The following UGCG variants were observed in gnomAD, a reference collection of about 807,000 sequenced individuals.
The protein encoded by UGCG is UDP-glucose ceramide glucosyltransferase, also known as ceramide glucosyltransferase.
In UGCG, 10 loss-of-function variants were observed where a neutral mutation model predicts 49.5. The ratio of observed to expected loss-of-function variants is 0.20; its 90% CI spans 0.12 to 0.34. UGCG has a LOEUF of 0.34. Ranked by LOEUF, UGCG falls within the 10% of genes least tolerant of loss-of-function variation. UGCG has a pLI of 1.00. For synonymous variants in UGCG, 182 were observed against 158.2 expected (o/e 1.15, Z -1.13); for missense variants, 312 against 483.7 (o/e 0.65, Z 3.33).
chr9:111,911,945 T>TATATTCAACAGG (rs1838012571), intron 1 of UGCG, among the ~76,000 whole-genome samples: 2 of 44,832 alleles, frequency 4.5e-5, no homozygotes, highest in African/African-American at 1.8e-4. Context: ...TATATATATA[T>TATATTCAACAGG]ATATATATAT....
intron 6 of UGCG, among the ~76,000 whole-genome samples, chr9:111,930,246 G>C (rs1235714204): frequency 6.6e-6 from 1 of 152,116 alleles, no homozygotes; most frequent in African/African-American, 2.4e-5. Context: ...TTAAAAGTAA[G>C]TTTCTCTGTG....
rs1305204961 is a variant in UGCG, at chr9:111,934,997, GTAT to G, written c.*2003_*2005del. 3.9e-5 allele frequency: 6 copies of G among 152,272 alleles called. No homozygotes were observed. The East Asian group carries it at 1.2e-3, about 29-fold the overall frequency. 9.4% of individuals were successfully genotyped at this position (152,272 alleles called of 1,614,324 possible). A position where few individuals can be genotyped will look rare whatever the true frequency, so the allele number is the denominator to read the frequency against. On this transcript the variant is annotated 3_prime_UTR_variant, in exon 9 of 9. Transcript: ENST00000374279. ...TTGCACTGCCGAAGCGTAATCTTGT[GTAT>G]TACTTAGCTCTCTGCTGATCTCAGT...
At chr9:111,914,811 T>G in intron 2 of UGCG, 65 bp downstream of exon 2, 1 of 1,594,822 alleles carries the variant, frequency 6.3e-7, no homozygotes, top group Non-Finnish European at 8.5e-7. Context: ...TGATAAACAT[T>G]TAGGGATTTT....
intron 2 of UGCG, among the ~76,000 whole-genome samples, chr9:111,922,461 C>T (rs1184934111): frequency 6.6e-6 from 1 of 152,094 alleles, no homozygotes. Flanking sequence ...GTTTATTTTG[C>T]TTCCTTTTGA....
In UGCG at chr9:111,907,679, C is replaced by T. The variant is rs191056122; in HGVS notation, c.99-6926C>T. On this transcript the variant is annotated intron_variant, in intron 1 of 8. Coordinates refer to ENST00000374279, the MANE Select transcript of UGCG (RefSeq NM_003358.3). ...TTGCTCTGTTGCCCAGGCTGGAGTG[C>T]AGTGGTGCGATCTTGGCTCACTGCA... 6.8e-5 allele frequency among the ~76,000 whole-genome samples: 10 copies of T among 148,032 alleles called. No individual in the cohort carries two copies. In the East Asian group the frequency reaches 1.8e-3, roughly 26 times the overall value.
chr9:111,905,459 C>CTT (rs35643596), intron 1 of UGCG, among the ~76,000 whole-genome samples: 45 of 145,894 alleles, frequency 3.1e-4, no homozygotes, highest in East Asian at 8.0e-4. Flanking sequence ...ATGCATTACT[C>CTT]TTTTTTTTTT....
chr9:111,897,401 G>T, intron 1 of UGCG, 88 bp downstream of exon 1: 1 of 1,076,240 alleles, frequency 9.3e-7, no homozygotes, highest in South Asian at 1.4e-5. Context: ...CTTTGAAGGG[G>T]ACTGGGCTCG....
At chr9:111,912,663 T>C (rs557456813) in intron 1 of UGCG, among the ~76,000 whole-genome samples, 1 of 152,310 alleles carries the variant, frequency 6.6e-6, no homozygotes, top group East Asian at 1.9e-4. Flanking sequence ...GATCACATGC[T>C]TGATGTCATG....
intron 1 of UGCG, among the ~76,000 whole-genome samples, chr9:111,902,992 G>C (rs1837807784): frequency 6.6e-6 from 1 of 152,086 alleles, no homozygotes; most frequent in African/African-American, 2.4e-5. Context: ...TGGCCAGTCT[G>C]GTCTTGAACT....
intron 1 of UGCG, among the ~76,000 whole-genome samples, chr9:111,909,307 G>A (rs1158442001): frequency 6.6e-6 from 1 of 151,934 alleles, no homozygotes; most frequent in African/African-American, 2.4e-5. Context: ...AAAATCACTG[G>A]GATTTAAAAA....
chr9:111,911,871 G>A (rs1838001181), intron 1 of UGCG, among the ~76,000 whole-genome samples: 1 of 135,154 alleles, frequency 7.4e-6, no homozygotes, highest in African/African-American at 2.8e-5. Context: ...GAGCAACGGA[G>A]CAAGACCCTA....
rs574263417 is a variant in UGCG at position 111,927,913 on chromosome 9, C to G, written c.558+1417C>G. ...GTGACTTTGTAAGCTTTTCCCATAT[C>G]ATTAATAGCTTTTCATAAAAGTAAT... is the stretch of plus-strand genomic sequence containing the variant. On this transcript the variant is annotated intron_variant, in intron 5 of 8. Coordinates refer to ENST00000374279, the MANE Select transcript of UGCG (RefSeq NM_003358.3). Among the ~76,000 whole-genome samples the G allele has an allele frequency of 2.6e-5, 4 of 151,810 alleles. No individual in the cohort carries two copies. In the South Asian group the frequency reaches 8.3e-4, roughly 32 times the overall value.
intron 1 of UGCG, among the ~76,000 whole-genome samples, chr9:111,908,217 A>G (rs953461236): frequency 6.6e-6 from 1 of 152,198 alleles, no homozygotes; most frequent in Non-Finnish European, 1.5e-5. Flanking sequence ...GAAAGTAAAT[A>G]AAGTGTGGTA....
Position 111,933,558 on chromosome 9 carries a change from A to T in UGCG, c.*561A>T, listed in dbSNP as rs1032708156. The T allele has an allele frequency of 1.2e-4, 19 of 152,312 alleles. No individual in the cohort carries two copies. The highest frequency in any genetic ancestry group is 1.3e-4 in the Admixed American group (2 of 15,296). The allele number at this position is 152,312 out of a possible 1,614,324, so 9.4% of individuals were successfully genotyped here. ...TGCAGAGCAAATATAAATTGTAATAAGATAGCTAGGCCTTGCAGAAACAAA... is the reference window on the plus strand; with the variant it reads ...TGCAGAGCAAATATAAATTGTAATATGATAGCTAGGCCTTGCAGAAACAAA... On this transcript the variant is annotated 3_prime_UTR_variant, in exon 9 of 9. Coordinates refer to ENST00000374279, the MANE Select transcript of UGCG (RefSeq NM_003358.3).
intron 2 of UGCG, among the ~76,000 whole-genome samples, chr9:111,916,307 C>T (rs1446802935): frequency 1.3e-5 from 2 of 152,152 alleles, no homozygotes; most frequent in Non-Finnish European, 2.9e-5. Flanking sequence ...AACTTAATCT[C>T]ACATTTCAGT....
intron 1 of UGCG, among the ~76,000 whole-genome samples, chr9:111,910,199 T>C (rs1837970119): frequency 1.3e-5 from 2 of 152,244 alleles, no homozygotes; most frequent in Non-Finnish European, 2.9e-5. Context: ...TAATCGCCTC[T>C]AGACTATTCA....
chr9:111,913,557 C>T (rs1256167592), intron 1 of UGCG, among the ~76,000 whole-genome samples: 2 of 151,862 alleles, frequency 1.3e-5, no homozygotes, highest in Admixed American at 6.6e-5. Context: ...CTCAGCCTCC[C>T]GAGTAGCTGG....
chr9:111,914,072 A>G (rs1487779159), intron 1 of UGCG, among the ~76,000 whole-genome samples: 1 of 152,026 alleles, frequency 6.6e-6, no homozygotes, highest in Admixed American at 6.6e-5. Context: ...ATCCTTTCAT[A>G]ATTTTCTGCT....
At chr9:111,928,440 C>T (rs535676263) in intron 5 of UGCG, among the ~76,000 whole-genome samples, 2 of 152,096 alleles carry the variant, frequency 1.3e-5, no homozygotes, top group Non-Finnish European at 2.9e-5. Context: ...CACCCATTGC[C>T]TTAGTGTAGG....
Sources: gnomAD v4.1 joint callset for allele counts (sites outside exome capture counted in the v4.1 genomes callset) on GRCh38, gnomAD v4.1.1 for gene constraint, MANE v1.5 for transcripts, NCBI Gene and HGNC (gene_info 2026-07-23, HGNC 2026-07-21) for gene names.